GABRR3: variants seen among roughly 807,000 people sequenced by gnomAD.
The protein encoded by GABRR3 is gamma-aminobutyric acid type A receptor subunit rho3, also known as gamma-aminobutyric acid receptor subunit rho-3.
In GABRR3, 29 loss-of-function variants were observed where a neutral mutation model predicts 43.2. The observed-to-expected ratio is 0.67, with a 90% CI of 0.50 to 0.92. GABRR3 has a LOEUF of 0.92. Among genes scored for constraint, GABRR3 ranks in the 40% least tolerant of loss-of-function variants. The pLI is 0.00. For missense variants in GABRR3, 576 were observed against 572.3 expected (o/e 1.01, Z -0.07); for synonymous variants, 206 against 195.9 (o/e 1.05, Z -0.43).
chr3:98,020,787 G>T (rs1021403430), intron 3 of GABRR3, among the ~76,000 whole-genome samples: 1 of 151,966 alleles, frequency 6.6e-6, no homozygotes, highest in African/African-American at 2.4e-5. Context: ...TACTGGTTCT[G>T]GTGGGGATAA....
At position 98,001,893 on chromosome 3, in the gene GABRR3, A is replaced by G. The variant is rs1439057345; in HGVS notation, c.755-126T>C. The G allele has an allele frequency of 4.3e-6, 4 of 932,490 alleles. No individual in the cohort carries two copies. The East Asian group carries it at 1.0e-4, about 24-fold the overall frequency. 57.8% of individuals were successfully genotyped at this position (932,490 alleles called of 1,614,324 possible). A position where few individuals can be genotyped will look rare whatever the true frequency, so the allele number is the denominator to read the frequency against. On this transcript the variant is annotated intron_variant, in intron 7 of 9. Coordinates refer to ENST00000621172, the Ensembl canonical transcript of GABRR3. ...CACGGAATTTGACAAACTCATCTCC[A>G]TTTAGTTGGGCCTGGCACTCCATCA... is the stretch of plus-strand genomic sequence containing the variant.
At chr3:98,027,063 A>G (rs960881212) in intron 2 of GABRR3, among the ~76,000 whole-genome samples, 1 of 152,204 alleles carries the variant, frequency 6.6e-6, no homozygotes, top group Non-Finnish European at 1.5e-5. Flanking sequence ...TGAATAATTG[A>G]ACACATACAA....
chr3:98,017,357 T>G (rs1040534887), intron 4 of GABRR3, among the ~76,000 whole-genome samples: 1 of 152,230 alleles, frequency 6.6e-6, no homozygotes, highest in Non-Finnish European at 1.5e-5. Context: ...TCCTTCTGTT[T>G]ATACAATTGT....
intron 7 of GABRR3, 33 bp from the exon 8 acceptor site, chr3:98,001,800 A>G (rs370915110): frequency 1.4e-5 from 22 of 1,611,424 alleles, no homozygotes; most frequent in Non-Finnish European, 1.9e-5. Flanking sequence ...TCATTAGAGC[A>G]AGCTTCCCCT....
chr3:97,996,845 A>T (rs1345976358), intron 8 of GABRR3, among the ~76,000 whole-genome samples: 2 of 152,176 alleles, frequency 1.3e-5, no homozygotes, highest in African/African-American at 4.8e-5. Context: ...TGCACCCTCT[A>T]CTGCTCTTTA....
intron 9 of GABRR3, among the ~76,000 whole-genome samples, chr3:97,987,462 G>A (rs1269927246): frequency 6.6e-6 from 1 of 152,224 alleles, no homozygotes; most frequent in African/African-American, 2.4e-5. Flanking sequence ...CACTAGTTTA[G>A]AGCAGTGTCT....
chr3:97,989,929 G>A (rs1706439949), intron 9 of GABRR3, among the ~76,000 whole-genome samples: 1 of 152,020 alleles, frequency 6.6e-6, no homozygotes, highest in African/African-American at 2.4e-5. Flanking sequence ...CCATATATCT[G>A]GCTCCCACAA....
At chr3:98,031,350 G>A (rs575820475) in intron 2 of GABRR3, among the ~76,000 whole-genome samples, 3 of 152,292 alleles carry the variant, frequency 2.0e-5, no homozygotes, top group East Asian at 3.9e-4. Context: ...AATGGTTCAC[G>A]TGGTACATTA....
intron 3 of GABRR3, among the ~76,000 whole-genome samples, chr3:98,024,049 T>G (rs1408108129): frequency 6.6e-6 from 1 of 152,174 alleles, no homozygotes; most frequent in Non-Finnish European, 1.5e-5. Context: ...ACAAATGTGA[T>G]GAAATCAAGG....
chr3:97,994,576 AAACATGAAGCAAAGAGTG>A (rs1706512304), intron 8 of GABRR3, among the ~76,000 whole-genome samples: 1 of 152,242 alleles, frequency 6.6e-6, no homozygotes, highest in Non-Finnish European at 1.5e-5. Flanking sequence ...CTTGCTACGT[AAACATGAAGCAAAGAGTG>A]AACATGAAGC....
chr3:98,025,529 A>G, intron 3 of GABRR3, 38 bp downstream of exon 3: 4 of 1,398,396 alleles, frequency 2.9e-6, no homozygotes, highest in Non-Finnish European at 4.0e-6. Flanking sequence ...TGACAGTGCA[A>G]TGGGTTTTGA....
chr3:98,029,045 C>T (rs1396396551), intron 2 of GABRR3, among the ~76,000 whole-genome samples: 2 of 152,118 alleles, frequency 1.3e-5, no homozygotes, highest in African/African-American at 2.4e-5. Context: ...AAAATGATTT[C>T]AGTTTAGCCG....
chr3:97,991,282 T>G (rs1169359305), intron 9 of GABRR3, among the ~76,000 whole-genome samples: 3 of 152,234 alleles, frequency 2.0e-5, no homozygotes, highest in African/African-American at 7.2e-5. Flanking sequence ...TCCAAATCAT[T>G]GCTATTCAGT....
At chr3:98,029,037 A>C (rs950943481) in intron 2 of GABRR3, among the ~76,000 whole-genome samples, 7 of 152,098 alleles carry the variant, frequency 4.6e-5, no homozygotes, top group African/African-American at 7.2e-5. Context: ...AGAAAAAAAA[A>C]ATGATTTCAG....
chr3:98,001,736 C>T (rs561176393), exon 8 of GABRR3: 3 of 1,613,140 alleles, frequency 1.9e-6, no homozygotes, highest in Admixed American at 3.3e-5. Flanking sequence ...GCCTCCTTAG[C>T]ACAAAGTTGA....
At chr3:98,010,416 A>G (rs1341627731) in intron 5 of GABRR3, among the ~76,000 whole-genome samples, 2 of 152,162 alleles carry the variant, frequency 1.3e-5, no homozygotes, top group African/African-American at 4.8e-5. Flanking sequence ...GCCACATAGT[A>G]ATGACTGACC....
exon 1 of GABRR3, chr3:98,035,224 AT>A: frequency 2.0e-6 from 1 of 496,670 alleles, no homozygotes; most frequent in Non-Finnish European, 3.5e-6. Flanking sequence ...AACAAAGCAG[AT>A]TTTTAAAATT....
At chr3:98,033,120 G>T (rs1707110778) in intron 2 of GABRR3, among the ~76,000 whole-genome samples, 1 of 152,102 alleles carries the variant, frequency 6.6e-6, no homozygotes, top group African/African-American at 2.4e-5. Context: ...AAAATGCCTG[G>T]GTTTCATTCT....
intron 3 of GABRR3, among the ~76,000 whole-genome samples, chr3:98,025,179 C>T (rs1363856773): frequency 6.6e-6 from 1 of 152,218 alleles, no homozygotes; most frequent in African/African-American, 2.4e-5. Context: ...TCAGAGGAAG[C>T]CATGGCATTT....
Sources: gnomAD v4.1 joint callset for allele counts (sites outside exome capture counted in the v4.1 genomes callset) on GRCh38, gnomAD v4.1.1 for gene constraint, MANE v1.5 for transcripts, NCBI Gene and HGNC (gene_info 2026-07-23, HGNC 2026-07-21) for gene names.